IDH3B: variants seen among roughly 807,000 people sequenced by gnomAD.
The protein encoded by IDH3B is isocitrate dehydrogenase (NAD(+)) 3 non-catalytic subunit beta.
In IDH3B, 40 loss-of-function variants were observed where a neutral mutation model predicts 47.5. The ratio of observed to expected loss-of-function variants is 0.84; its 90% CI spans 0.65 to 1.10. The LOEUF (loss-of-function observed/expected upper bound fraction) is 1.10. Among genes scored for constraint, IDH3B ranks in the 50% least tolerant of loss-of-function variants. IDH3B has a pLI of 0.00. For synonymous variants in IDH3B, 185 were observed against 191.0 expected, an observed-to-expected ratio of 0.97 and a Z score of 0.26; for missense variants, 450 against 505.2, an observed-to-expected ratio of 0.89 and a Z score of 1.05.
Position 2,658,616 on chromosome 20 carries a change from CCAAGGA to C in IDH3B, c.*129_*134del, listed in dbSNP as rs1555780646. 9 of 1,613,042 alleles carry C rather than the reference CCAAGGA, an allele frequency of 5.6e-6. No homozygotes were observed. The highest frequency in any genetic ancestry group is 7.6e-6 in the Non-Finnish European group (9 of 1,179,592). ...CAGTCTGTCCCCTAAGGAAGCCGGC[CCAAGGA>C]CAACCTAGGCTCTACCCAGCAAGGT... On this transcript the variant is annotated 3_prime_UTR_variant, in exon 12 of 12. Transcript: ENST00000380843.
intron 11 of IDH3B, chr20:2,659,050 C>T: frequency 9.0e-7 from 1 of 1,116,860 alleles, no homozygotes; most frequent in East Asian, 2.7e-5. Flanking sequence ...CAGGGCAGGA[C>T]AGGAGGCTGA....
chr20:2,660,687 G>C lies in IDH3B; in HGVS notation c.531+10C>G. 1.2e-6 allele frequency: 2 copies of C among 1,614,174 alleles called. No homozygotes were observed. The highest frequency in any genetic ancestry group is 1.7e-6 in the Non-Finnish European group (2 of 1,180,026). ...TCATCCTTGCCCTCCCCCAGTTTCT[G>C]GGGCCTCACCTCATGTTCCAGAGAG... On this transcript the variant is annotated intron_variant, in intron 6 of 11. Transcript: ENST00000380843. This position sits in a 1 kb window ranked among gnomAD's most constrained non-coding sequence, Gnocchi z 5.6.
chr20:2,663,625 C>G (rs751084358), intron 3 of IDH3B, 35 bp downstream of exon 3: 4 of 1,614,164 alleles, frequency 2.5e-6, no homozygotes, highest in Non-Finnish European at 3.4e-6. Flanking sequence ...CAACACACTA[C>G]TGTCCTCTAC....
rs1363114454 is a variant in IDH3B at position 2,658,903 on chromosome 20, A to G, written c.1072-66T>C. 1.1e-5 allele frequency: 17 copies of G among 1,605,740 alleles called. No individual in the cohort carries two copies. In the South Asian group the frequency reaches 1.8e-4, roughly 17 times the overall value. On this transcript the variant is annotated intron_variant, in intron 11 of 11. Transcript: ENST00000380843. ...GAGAGCCCATGAAGGGAGGTAGGGCAATGTGATTGAGGAAATGGAAGCCAA... is the reference window on the plus strand; with the variant it reads ...GAGAGCCCATGAAGGGAGGTAGGGCGATGTGATTGAGGAAATGGAAGCCAA...
At chr20:2,659,829 G>A in intron 9 of IDH3B, 36 bp from the exon 10 acceptor site, 2 of 1,528,110 alleles carry the variant, frequency 1.3e-6, no homozygotes, top group Middle Eastern at 3.5e-4. Flanking sequence ...ACTGGGAGGA[G>A]GCAGGAGGGG....
chr20:2,663,858 G>T lies in IDH3B; in HGVS notation c.117+67C>A, dbSNP rs79846067. 9.8e-4 allele frequency: 1,571 copies of T among 1,596,528 alleles called. 12 individuals carry two copies. In the African/African-American group the frequency reaches 0.018, roughly 19 times the overall value. On this transcript the variant is annotated intron_variant, in intron 2 of 11. Coordinates refer to ENST00000380843, the MANE Select transcript of IDH3B (RefSeq NM_006899.5). ...GGAGACCCGGGAGGGGTGGGGAAAAGCCAGGGGAGGGAGCAGCGAGGAAGG... is the reference window on the plus strand; with the variant it reads ...GGAGACCCGGGAGGGGTGGGGAAAATCCAGGGGAGGGAGCAGCGAGGAAGG...
intron 9 of IDH3B, 72 bp downstream of exon 9, chr20:2,659,958 G>T: frequency 6.3e-7 from 1 of 1,584,404 alleles, no homozygotes. Context: ...CTTAGGAAGT[G>T]GAGATATTGG....
In IDH3B at chr20:2,663,978, C is replaced by T; in HGVS notation, c.64G>A (p.Ala22Thr). The T allele has an allele frequency of 6.2e-7, 1 of 1,614,184 alleles. No homozygotes were observed. The highest frequency in any genetic ancestry group is 1.3e-5 in the African/African-American group (1 of 75,052). Reference sequence around the variant, plus strand: ...GCCGAGGTACTCAGACCTCTCCATGCCCCAGGGTTCCCGGCGGAGACCAGC... The same window carrying T: ...GCCGAGGTACTCAGACCTCTCCATGTCCCAGGGTTCCCGGCGGAGACCAGC... The part of the protein sequence containing the change: ...RALVSAGNPG[A>T]WRGLSTSAAA... Residue 22 changes from alanine to threonine, a missense_variant, in exon 2 of 12, where the codon GCA (alanine) becomes ACA (threonine). Ala to Thr is a moderately conservative substitution (Grantham distance 58, BLOSUM62 0). Transcript: ENST00000380843.
At position 2,663,983 on chromosome 20, in the gene IDH3B, G is replaced by A. The variant is rs1296328416; in HGVS notation, c.59C>T (p.Pro20Leu). ...LTRALVSAGN[P>L]GAWRGLSTSA... ...GGTACTCAGACCTCTCCATGCCCCA[G>A]GGTTCCCGGCGGAGACCAGCGCCTG... is the stretch of plus-strand genomic sequence containing the variant. Residue 20 changes from proline (P) to leucine (L), a missense_variant, in exon 2 of 12, where the codon CCT (proline) becomes CTT (leucine). Coordinates refer to ENST00000380843, the MANE Select transcript of IDH3B (RefSeq NM_006899.5). The A allele has an allele frequency of 4.3e-6, 7 of 1,614,034 alleles. No homozygotes were observed. The South Asian group carries it at 4.4e-5, about 10-fold the overall frequency.
At chr20:2,661,904 A>G (rs1021732282) in intron 4 of IDH3B, among the ~76,000 whole-genome samples, 5 of 152,256 alleles carry the variant, frequency 3.3e-5, no homozygotes, top group South Asian at 2.1e-4. Context: ...TTGCAGATGT[A>G]ATTAAGTTAA....
At position 2,658,842 on chromosome 20, in the gene IDH3B, A is replaced by G. The variant is rs1404764204; in HGVS notation, c.1072-5T>C. On this transcript the variant is annotated splice_polypyrimidine_tract_variant and splice_region_variant and intron_variant, in intron 11 of 11. Coordinates refer to ENST00000380843, the MANE Select transcript of IDH3B (RefSeq NM_006899.5). ...GCCCATGTCTCGAGTCCGCACCTAC[A>G]GCCACCACCGGCAACAGCCGTGGGG... The G allele has an allele frequency of 3.1e-6, 5 of 1,614,090 alleles. No homozygotes were observed. Among genetic ancestry groups the G allele is most frequent in the Non-Finnish European group, 3.4e-6 (4 of 1,180,042 alleles).
In IDH3B at chr20:2,660,808, G is replaced by A; in HGVS notation, c.420C>T (p.Ala140=). Residue 140 remains alanine (A), a synonymous_variant, in exon 6 of 12, where the codon GCC becomes GCT. Coordinates refer to ENST00000380843, the MANE Select transcript of IDH3B (RefSeq NM_006899.5). This position sits in a 1 kb window ranked among gnomAD's most constrained non-coding sequence, Gnocchi z 5.6. ...GAAGTGACTTCACATGGACTACGTT[G>A]GCAAATAAGTCCAACTTACGCCTGA... ...MRLRRKLDLF[A]NVVHVKSLPG... is the part of the protein sequence containing the mutation. 1 of 1,614,130 alleles carries A rather than the reference G, an allele frequency of 6.2e-7. No homozygotes were observed. The highest frequency in any genetic ancestry group is 8.5e-7 in the Non-Finnish European group (1 of 1,180,030).
At chr20:2,659,056 G>C in intron 11 of IDH3B, 1 of 1,085,284 alleles carries the variant, frequency 9.2e-7, no homozygotes, top group Non-Finnish European at 1.2e-6. Flanking sequence ...AGGACAGGAG[G>C]CTGAGCAGGC....
Position 2,660,737 on chromosome 20 carries a change from C to G in IDH3B, c.491G>C (p.Arg164Pro), listed in dbSNP as rs746378978. Residue 164 changes from arginine to proline, a missense_variant, in exon 6 of 12, where the codon CGA (arginine) becomes CCA (proline). Arg to Pro is a moderately radical substitution (Grantham distance 103). Coordinates refer to ENST00000380843, the MANE Select transcript of IDH3B (RefSeq NM_006899.5). The surrounding 1 kb of genome is among the most constrained non-coding windows in gnomAD (Gnocchi z 5.6). Reference sequence around the variant, plus strand: ...GCTGTACTCCCCTTCTGTCTGCTCTCGAATGATCACCAGGTCTAGATTGTT... The same window carrying G: ...GCTGTACTCCCCTTCTGTCTGCTCTGGAATGATCACCAGGTCTAGATTGTT... ...RHNNLDLVII[R>P]EQTEGEYSSL... 8 of 1,614,044 alleles carry G rather than the reference C, an allele frequency of 5.0e-6. No homozygotes were observed. The highest frequency in any genetic ancestry group is 6.8e-6 in the Non-Finnish European group (8 of 1,180,028).
At position 2,660,741 on chromosome 20, in the gene IDH3B, T is replaced by C. The variant is rs1465433477; in HGVS notation, c.487A>G (p.Ile163Val). The stretch of plus-strand genomic sequence containing the variant: ...TACTCCCCTTCTGTCTGCTCTCGAA[T>C]GATCACCAGGTCTAGATTGTTGTGC... ...TRHNNLDLVI[I>V]REQTEGEYSS... The change falls in exon 6 of 12, where the codon ATT (isoleucine) becomes GTT (valine). Residue 163 changes from isoleucine to valine, a missense_variant. Ile to Val is a conservative substitution (Grantham distance 29). Coordinates refer to ENST00000380843, the MANE Select transcript of IDH3B (RefSeq NM_006899.5). The surrounding 1 kb of genome is among the most constrained non-coding windows in gnomAD (Gnocchi z 5.6). The C allele has an allele frequency of 2.5e-6, 4 of 1,614,074 alleles. No homozygotes were observed. The highest frequency in any genetic ancestry group is 1.3e-5 in the African/African-American group (1 of 74,916).
chr20:2,659,150 G>T, intron 11 of IDH3B: 1 of 1,282,592 alleles, frequency 7.8e-7, no homozygotes, highest in Non-Finnish European at 9.7e-7. Context: ...TGGAAGGAAA[G>T]AATCACAGCG....
intron 11 of IDH3B, chr20:2,659,227 C>A (rs1317571670): frequency 1.4e-6 from 2 of 1,440,662 alleles, no homozygotes; most frequent in Non-Finnish European, 1.8e-6. Context: ...CTGTTCCACC[C>A]CCAAGGAGAG....
rs1278679882 is a variant in IDH3B, at chr20:2,664,178, A to G, written c.11T>C (p.Leu4Ser). 1.9e-6 allele frequency: 3 copies of G among 1,613,614 alleles called. No homozygotes were observed. Among genetic ancestry groups the G allele is most frequent in the Middle Eastern group, 1.7e-4 (1 of 6,060 alleles). MAA[L>S]SGVRWLTRAL... Reference sequence around the variant, plus strand: ...TCGGGTCAGCCAGCGGACTCCGCTCAATGCCGCCATGTTTCCCGCAGGAAG... The same window carrying G: ...TCGGGTCAGCCAGCGGACTCCGCTCGATGCCGCCATGTTTCCCGCAGGAAG... Residue 4 changes from leucine to serine, a missense_variant, in exon 1 of 12, where the codon TTG (leucine) becomes TCG (serine). Coordinates refer to ENST00000380843, the MANE Select transcript of IDH3B (RefSeq NM_006899.5).
At position 2,660,016 on chromosome 20, in the gene IDH3B, G is replaced by A. The variant is rs2086911600; in HGVS notation, c.915+14C>T. Reference sequence around the variant, plus strand: ...TGAGGTCAGAGGAAGGGCCGAGGGAGAAAGCAGCCTCACCGTCTCAAAGAC... The same window carrying A: ...TGAGGTCAGAGGAAGGGCCGAGGGAAAAAGCAGCCTCACCGTCTCAAAGAC... On this transcript the variant is annotated intron_variant, in intron 9 of 11. Transcript: ENST00000380843. This position sits in a 1 kb window ranked among gnomAD's most constrained non-coding sequence, Gnocchi z 5.6. The A allele has an allele frequency of 6.2e-7, 1 of 1,614,036 alleles. No homozygotes were observed. Among genetic ancestry groups the A allele is most frequent in the South Asian group, 1.1e-5 (1 of 91,078 alleles).
Sources: allele counts gnomAD v4.1 joint callset (sites outside exome capture counted in the v4.1 genomes callset), GRCh38; gene constraint gnomAD v4.1.1; non-coding constraint Gnocchi (gnomAD v3.1); transcripts MANE v1.5; gene names NCBI Gene and HGNC (gene_info 2026-07-23, HGNC 2026-07-21).